NDST3: variants seen among roughly 807,000 people sequenced by gnomAD.
NDST3 encodes the protein N-deacetylase and N-sulfotransferase 3.
NDST3 carries 58 observed loss-of-function variants against 96.1 expected under a neutral mutation model. That is an observed-to-expected ratio of 0.60 (90% CI 0.49 to 0.75). The LOEUF (loss-of-function observed/expected upper bound fraction) is 0.75, where lower values mean the gene tolerates loss of function less well. Among genes scored for constraint, NDST3 ranks in the 30% least tolerant of loss-of-function variants. NDST3 has a pLI of 0.00. For missense variants in NDST3, 788 were observed against 1,034.2 expected (o/e 0.76, Z 3.27); for synonymous variants, 333 against 359.7 (o/e 0.93, Z 0.84).
chr4:118,245,478 T>A (rs538409968), intron 12 of NDST3, among the ~76,000 whole-genome samples: 3 of 152,338 alleles, frequency 2.0e-5, no homozygotes, highest in African/African-American at 7.2e-5. Flanking sequence ...CTGAAGCTGC[T>A]TCAAAATTCA....
At chr4:118,043,851 A>G (rs1336358884) in intron 1 of NDST3, among the ~76,000 whole-genome samples, 1 of 152,236 alleles carries the variant, frequency 6.6e-6, no homozygotes, top group Admixed American at 6.5e-5. Context: ...AGGTTTGCAG[A>G]AAACAGGAGA....
At chr4:118,225,884 A>G (rs1458225775) in intron 7 of NDST3, among the ~76,000 whole-genome samples, 1 of 152,200 alleles carries the variant, frequency 6.6e-6, no homozygotes, top group Non-Finnish European at 1.5e-5. Flanking sequence ...ACCACCACGA[A>G]ACATCACCAA....
chr4:118,043,118 G>A (rs1483167052), intron 1 of NDST3, among the ~76,000 whole-genome samples: 1 of 152,094 alleles, frequency 6.6e-6, no homozygotes, highest in Non-Finnish European at 1.5e-5. Context: ...ATCACTAATT[G>A]CATAATGATA....
intron 4 of NDST3, among the ~76,000 whole-genome samples, chr4:118,137,185 T>A (rs572481531): frequency 6.6e-6 from 1 of 152,282 alleles, no homozygotes; most frequent in African/African-American, 2.4e-5. Flanking sequence ...AGAACCTATT[T>A]GAGTGGAATT....
chr4:118,226,698 C>T (rs1739900665), intron 7 of NDST3, among the ~76,000 whole-genome samples, 188 bp from the exon 8 acceptor site: 1 of 152,116 alleles, frequency 6.6e-6, no homozygotes, highest in Non-Finnish European at 1.5e-5. Flanking sequence ...AGACTCTCAA[C>T]CTCAACATGG....
At chr4:118,162,639 T>TA (rs1735247719) in intron 6 of NDST3, among the ~76,000 whole-genome samples, 1 of 149,280 alleles carries the variant, frequency 6.7e-6, no homozygotes, top group African/African-American at 2.4e-5. Context: ...CCTAAAACCA[T>TA]AAAAACCCTA....
chr4:118,103,338 C>G (rs545983213), intron 2 of NDST3, among the ~76,000 whole-genome samples: 1 of 151,784 alleles, frequency 6.6e-6, no homozygotes, highest in South Asian at 2.1e-4. Context: ...AAGATATGAT[C>G]TAAGTGGAAG....
rs1742126258 is a variant in NDST3, at chr4:118,256,400, G to T, written c.*688G>T. On this transcript the variant is annotated 3_prime_UTR_variant, in exon 14 of 14. Transcript: ENST00000296499. The stretch of plus-strand genomic sequence containing the variant: ...CTAACTCTTCCATCACAACGTAATT[G>T]TTATACTGAAATATATACTGTAAAG... 2 of 152,138 alleles carry T rather than the reference G, an allele frequency of 1.3e-5. No individual in the cohort carries two copies. The highest frequency in any genetic ancestry group is 3.8e-4 in the East Asian group (2 of 5,196). The allele number at this position is 152,138 out of a possible 1,614,324, so 9.4% of individuals were successfully genotyped here.
At chr4:118,083,871 A>G (rs1472147910) in intron 2 of NDST3, among the ~76,000 whole-genome samples, 1 of 152,096 alleles carries the variant, frequency 6.6e-6, no homozygotes, top group African/African-American at 2.4e-5. Context: ...TACAATTTTT[A>G]ACCATTCAGT....
At chr4:118,173,091 A>G (rs1199702703) in intron 6 of NDST3, among the ~76,000 whole-genome samples, 1 of 152,000 alleles carries the variant, frequency 6.6e-6, no homozygotes, top group East Asian at 1.9e-4. Context: ...GCTTTCATAA[A>G]TGACCTTATT....
chr4:118,114,854 ATGAG>A lies in NDST3; in HGVS notation c.1120_1123del (p.Glu374SerfsTer26). 1 of 1,614,084 alleles carries A rather than the reference ATGAG, an allele frequency of 6.2e-7. No individual in the cohort carries two copies. Among genetic ancestry groups the A allele is most frequent in the Admixed American group, 1.7e-5 (1 of 60,010 alleles). The stretch of plus-strand genomic sequence containing the variant: ...GATGACTGTCTGTTGGGGTCTGTGG[ATGAG>A]TTCTGGTGGTTTCCTCACATGTGGA... On this transcript the variant is annotated frameshift_variant, in exon 4 of 14. Coordinates refer to ENST00000296499, the MANE Select transcript of NDST3 (RefSeq NM_004784.3). LOFTEE classifies it high-confidence loss of function.
intron 6 of NDST3, chr4:118,193,550 T>C (rs1737456207): frequency 3.9e-6 from 4 of 1,020,126 alleles, no homozygotes; most frequent in East Asian, 2.4e-5. Flanking sequence ...CGTGTTGGCG[T>C]AGAGCGTCTT....
chr4:118,148,355 A>C (rs1410091068), intron 6 of NDST3, among the ~76,000 whole-genome samples: 1 of 152,142 alleles, frequency 6.6e-6, no homozygotes, highest in Non-Finnish European at 1.5e-5. Context: ...CAAATCCCTG[A>C]CCATGTAACA....
intron 3 of NDST3, 48 bp downstream of exon 3, chr4:118,105,153 C>A: frequency 6.9e-7 from 1 of 1,446,240 alleles, no homozygotes; most frequent in South Asian, 1.2e-5. Context: ...TCTGATCACT[C>A]TATTTAAAAT....
At chr4:118,149,919 A>C (rs1734258350) in intron 6 of NDST3, among the ~76,000 whole-genome samples, 1 of 151,178 alleles carries the variant, frequency 6.6e-6, no homozygotes, top group African/African-American at 2.4e-5. Flanking sequence ...TATTATTTTG[A>C]GATATGTCCC....
intron 6 of NDST3, among the ~76,000 whole-genome samples, chr4:118,161,349 C>T (rs1384791434): frequency 2.0e-5 from 3 of 152,206 alleles, no homozygotes; most frequent in Admixed American, 1.3e-4. Flanking sequence ...AGGCAGTCTA[C>T]CCATTCTCAG....
intron 6 of NDST3, among the ~76,000 whole-genome samples, chr4:118,161,287 G>T (rs1285248673): frequency 2.0e-5 from 3 of 152,216 alleles, no homozygotes; most frequent in Non-Finnish European, 4.4e-5. Flanking sequence ...CCTACTGGGG[G>T]ATGCCTCCCA....
intron 6 of NDST3, among the ~76,000 whole-genome samples, chr4:118,186,595 T>C (rs1191242273): frequency 2.6e-5 from 4 of 152,172 alleles, no homozygotes; most frequent in Non-Finnish European, 4.4e-5. Flanking sequence ...TGGCAGCTGA[T>C]TAGATTGTGC....
chr4:118,082,987 C>G (rs1254376288), intron 2 of NDST3, among the ~76,000 whole-genome samples: 1 of 152,132 alleles, frequency 6.6e-6, no homozygotes, highest in African/African-American at 2.4e-5. Context: ...AACTCACCCA[C>G]AATCACCAGA....
Sources: gnomAD v4.1 joint callset for allele counts (sites outside exome capture counted in the v4.1 genomes callset) on GRCh38, gnomAD v4.1.1 for gene constraint, MANE v1.5 for transcripts, NCBI Gene and HGNC (gene_info 2026-07-23, HGNC 2026-07-21) for gene names.